Variants in HBS1L observed in about 807,000 individuals in gnomAD.
The protein encoded by HBS1L is HBS1 like translational GTPase, also known as HBS1-like protein.
Under a neutral mutation model 88.9 loss-of-function variants are expected in HBS1L, and 55 were observed. The ratio of observed to expected loss-of-function variants is 0.62; its 90% confidence interval spans 0.50 to 0.77. The LOEUF (loss-of-function observed/expected upper bound fraction) is 0.77, where lower values mean the gene tolerates loss of function less well. Among genes scored for constraint, HBS1L ranks in the 30% least tolerant of loss-of-function variants. The pLI is 0.00. For missense variants in HBS1L, 741 were observed against 829.3 expected (o/e 0.89, Z 1.31); for synonymous variants, 267 against 288.5 (o/e 0.93, Z 0.76).
intron 16 of HBS1L, among the ~76,000 whole-genome samples, chr6:134,967,047 G>A (rs888863290): frequency 2.0e-5 from 3 of 152,092 alleles, no homozygotes; most frequent in African/African-American, 7.2e-5. Context: ...AGGAGTTCAG[G>A]ACAAAAATCA....
chr6:135,036,933 G>A, intron 4 of HBS1L: 1 of 1,551,526 alleles, frequency 6.4e-7, no homozygotes, highest in Non-Finnish European at 8.7e-7. Context: ...CAATGGATGG[G>A]TCTACTACAG....
rs1467781435 is a variant in HBS1L at position 134,998,648 on chromosome 6, A to C, written c.540-992T>G. On this transcript the variant is annotated intron_variant, in intron 5 of 17. Coordinates refer to ENST00000367837, the MANE Select transcript of HBS1L (RefSeq NM_006620.4). The stretch of plus-strand genomic sequence containing the variant: ...AGATTGTAGCATGATGGATATGTGT[A>C]AGCACATCTATTTTCTTCTTGCCTA... 1.9e-4 allele frequency among the ~76,000 whole-genome samples: 29 copies of C among 152,254 alleles called. 1 individual carries two copies. Among genetic ancestry groups the C allele is most frequent in the Admixed American group, 1.9e-3 (29 of 15,280 alleles).
chr6:135,002,610 T>C (rs1775493155), intron 5 of HBS1L, 124 bp downstream of exon 5: 1 of 618,706 alleles, frequency 1.6e-6, no homozygotes, highest in Non-Finnish European at 3.0e-6. Flanking sequence ...ACTGAGGATA[T>C]ATGATACTTC....
intron 4 of HBS1L, among the ~76,000 whole-genome samples, chr6:135,020,259 T>C (rs1481346799): frequency 6.6e-6 from 1 of 151,964 alleles, no homozygotes; most frequent in Admixed American, 6.5e-5. Context: ...CCTTAAGTGG[T>C]AATAAAAGAA....
chr6:135,041,852 A>G, intron 3 of HBS1L, 149 bp downstream of exon 3: 1 of 615,890 alleles, frequency 1.6e-6, no homozygotes, highest in East Asian at 2.9e-5. Flanking sequence ...AACATACTTA[A>G]TAAAACATAA....
At chr6:135,035,945 T>C (rs1212552243) in intron 4 of HBS1L, 21 of 592,544 alleles carry the variant, frequency 3.5e-5, no homozygotes, top group Non-Finnish European at 4.0e-5. Flanking sequence ...CACATATTAA[T>C]CCAACTTCTA....
At chr6:135,011,151 C>T (rs777210363) in intron 4 of HBS1L, among the ~76,000 whole-genome samples, 9 of 151,972 alleles carry the variant, frequency 5.9e-5, no homozygotes, top group Non-Finnish European at 8.8e-5. Context: ...ATGATATAAA[C>T]GTAAAGCAAA....
intron 17 of HBS1L, 137 bp from the exon 18 acceptor site, chr6:134,965,427 T>C: frequency 1.6e-6 from 1 of 630,200 alleles, no homozygotes; most frequent in Non-Finnish European, 2.7e-6. Flanking sequence ...CTTTCTTCCT[T>C]TCCTAGTCAT....
rs371994838 is a variant in HBS1L, at chr6:135,042,105, C to T, written c.131G>A (p.Arg44Gln). ...AGGCTCAACGGAAGGTTTGTCACGCCGTGAATAAATAAACTGAGCAGCTAG... is the reference window on the plus strand; with the variant it reads ...AGGCTCAACGGAAGGTTTGTCACGCTGTGAATAAATAAACTGAGCAGCTAG... ...PSTAAQFIYS[R>Q]RDKPSVEPVE... Residue 44 changes from arginine to glutamine, a missense_variant, in exon 3 of 18, where the codon CGG (arginine) becomes CAG (glutamine). Arg to Gln is a conservative substitution (Grantham distance 43). Coordinates refer to ENST00000367837, the MANE Select transcript of HBS1L (RefSeq NM_006620.4). 11 of 1,612,156 alleles carry T rather than the reference C, an allele frequency of 6.8e-6. No individual in the cohort carries two copies. The highest frequency in any genetic ancestry group is 1.7e-5 in the Admixed American group (1 of 59,942).
chr6:135,014,281 C>G (rs553108660), intron 4 of HBS1L, among the ~76,000 whole-genome samples: 1 of 152,286 alleles, frequency 6.6e-6, no homozygotes, highest in East Asian at 1.9e-4. Flanking sequence ...ACTCTGCTTC[C>G]TCCTCCTAAG....
intron 17 of HBS1L, 93 bp from the exon 18 acceptor site, chr6:134,965,383 A>G (rs1201625639): frequency 1.2e-6 from 1 of 848,272 alleles, no homozygotes; most frequent in Non-Finnish European, 1.9e-6. Context: ...AAGAATTATT[A>G]TATCAAGAGA....
chr6:135,002,916 TAA>T (rs1554226978), intron 4 of HBS1L, 74 bp from the exon 5 acceptor site: 1 of 198,686 alleles, frequency 5.0e-6, no homozygotes, highest in Non-Finnish European at 8.2e-6. Flanking sequence ...CATAGTATTT[TAA>T]ATTATAGATT....
Position 135,050,564 on chromosome 6 carries a change from T to G in HBS1L, c.109+18A>C. 6.5e-7 allele frequency: 1 copy of G among 1,539,414 alleles called. No homozygotes were observed. On this transcript the variant is annotated intron_variant, in intron 2 of 17. Coordinates refer to ENST00000367837, the MANE Select transcript of HBS1L (RefSeq NM_006620.4). Reference sequence around the variant, plus strand: ...TAAACACCAAATCTAAGGAATCAAATTATTTTTAAAAATTCACCTGTTGAC... The same window carrying G: ...TAAACACCAAATCTAAGGAATCAAAGTATTTTTAAAAATTCACCTGTTGAC...
intron 9 of HBS1L, 144 bp downstream of exon 9, chr6:134,987,501 T>C: frequency 1.9e-6 from 1 of 522,582 alleles, no homozygotes. Context: ...ACCTCATTTA[T>C]TTAAGATGAG....
intron 5 of HBS1L, among the ~76,000 whole-genome samples, chr6:134,999,430 A>C (rs1775382308): frequency 6.6e-6 from 1 of 150,474 alleles, no homozygotes; most frequent in African/African-American, 2.4e-5. Context: ...TTTTCATTTA[A>C]GTAAATCTTT....
chr6:135,034,855 C>T (rs1303442193), intron 4 of HBS1L, among the ~76,000 whole-genome samples: 4 of 152,118 alleles, frequency 2.6e-5, no homozygotes, highest in African/African-American at 7.2e-5. Flanking sequence ...CCCTTTAAGG[C>T]AATGGTTCTC....
chr6:134,973,889 C>T (rs1002369084), intron 15 of HBS1L, among the ~76,000 whole-genome samples: 2 of 151,394 alleles, frequency 1.3e-5, no homozygotes, highest in African/African-American at 4.9e-5. Flanking sequence ...TGTGGAGGTA[C>T]TTAATGCCAC....
intron 17 of HBS1L, among the ~76,000 whole-genome samples, chr6:134,965,779 C>T (rs1466353086): frequency 2.0e-5 from 3 of 152,100 alleles, no homozygotes; most frequent in Admixed American, 6.5e-5. Context: ...CACCCCACAC[C>T]GCCTTCCATA....
intron 4 of HBS1L, among the ~76,000 whole-genome samples, chr6:135,022,691 T>A (rs1023179): frequency 0.47 from 71,891 of 151,818 alleles, 17,265 homozygotes; most frequent in South Asian, 0.56. Context: ...AATATTTTCA[T>A]TGAAAATTAT....
Sources: allele counts gnomAD v4.1 joint callset (sites outside exome capture counted in the v4.1 genomes callset), GRCh38; gene constraint gnomAD v4.1.1; transcripts MANE v1.5; gene names NCBI Gene and HGNC (gene_info 2026-07-23, HGNC 2026-07-21).